STXBP5L: variants seen among roughly 807,000 people sequenced by gnomAD.
The protein encoded by STXBP5L is syntaxin binding protein 5L.
A neutral mutation model predicts 144.5 loss-of-function variants in STXBP5L; 65 were observed. The observed-to-expected ratio is 0.45, with a 90% CI of 0.37 to 0.55. The LOEUF (loss-of-function observed/expected upper bound fraction) is 0.55. Among genes scored for constraint, STXBP5L ranks in the 20% least tolerant of loss-of-function variants. The pLI is 0.00. For synonymous variants in STXBP5L, 505 were observed against 469.6 expected, an observed-to-expected ratio of 1.08 and a Z score of -0.97; for missense variants, 1,298 against 1,405.5, an observed-to-expected ratio of 0.92 and a Z score of 1.22.
chr3:121,293,665 G>A (rs1351780875), intron 19 of STXBP5L, among the ~76,000 whole-genome samples: 1 of 152,142 alleles, frequency 6.6e-6, no homozygotes, highest in African/African-American at 2.4e-5. Context: ...TTCAAGACAA[G>A]CCTGGCCAAT....
chr3:121,027,400 A>G (rs1196520200), intron 3 of STXBP5L, among the ~76,000 whole-genome samples: 1 of 152,114 alleles, frequency 6.6e-6, no homozygotes, highest in Non-Finnish European at 1.5e-5. Flanking sequence ...AGTCCTTTGA[A>G]TCTTACAGTT....
chr3:120,937,153 A>G (rs1196703230), intron 2 of STXBP5L, among the ~76,000 whole-genome samples: 1 of 152,182 alleles, frequency 6.6e-6, no homozygotes, highest in Non-Finnish European at 1.5e-5. Context: ...TCACTTGGAT[A>G]AAGTTTTACT....
chr3:121,028,563 A>G (rs1382505822), intron 3 of STXBP5L, among the ~76,000 whole-genome samples: 2 of 152,136 alleles, frequency 1.3e-5, no homozygotes, highest in East Asian at 1.9e-4. Context: ...CATCAAAAAT[A>G]TTCTAAGGAG....
intron 5 of STXBP5L, among the ~76,000 whole-genome samples, chr3:121,049,951 G>A (rs1288513015): frequency 2.0e-5 from 3 of 152,114 alleles, no homozygotes; most frequent in African/African-American, 7.2e-5. Flanking sequence ...CTGAGTCCAA[G>A]GATGCAAAGG....
chr3:121,317,227 T>C (rs746677335), intron 19 of STXBP5L, among the ~76,000 whole-genome samples: 2 of 152,142 alleles, frequency 1.3e-5, no homozygotes, highest in Non-Finnish European at 2.9e-5. Context: ...AAGTAAAAAA[T>C]AGAGCAAACA....
chr3:121,346,544 T>C (rs544856697), intron 20 of STXBP5L, among the ~76,000 whole-genome samples: 16 of 152,282 alleles, frequency 1.1e-4, no homozygotes, highest in Non-Finnish European at 1.6e-4. Flanking sequence ...TCCACAATGG[T>C]TGAACTAGTT....
chr3:121,114,861 G>C (rs1015306820), intron 5 of STXBP5L, 64 bp from the exon 6 acceptor site: 1 of 1,188,906 alleles, frequency 8.4e-7, no homozygotes, highest in East Asian at 2.7e-5. Context: ...ATACATGTAA[G>C]GAAAATATAA....
At chr3:120,987,060 G>T (rs1020765639) in intron 3 of STXBP5L, among the ~76,000 whole-genome samples, 7 of 151,896 alleles carry the variant, frequency 4.6e-5, no homozygotes, top group Non-Finnish European at 8.9e-5. Context: ...TTTGATGAAA[G>T]AAATGAATAT....
intron 9 of STXBP5L, among the ~76,000 whole-genome samples, chr3:121,185,120 G>A (rs2047321604): frequency 6.6e-6 from 1 of 152,138 alleles, no homozygotes; most frequent in East Asian, 1.9e-4. Context: ...AGATTTTAAA[G>A]ACCATCGACA....
chr3:120,928,270 TTTTTCC>T (rs1709741772), intron 2 of STXBP5L, among the ~76,000 whole-genome samples: 1 of 152,126 alleles, frequency 6.6e-6, no homozygotes, highest in Non-Finnish European at 1.5e-5. Context: ...GACTTCTTTT[TTTTTCC>T]TCCTGAGATG....
At chr3:121,002,949 C>A (rs985315808) in intron 3 of STXBP5L, among the ~76,000 whole-genome samples, 5 of 152,164 alleles carry the variant, frequency 3.3e-5, no homozygotes, top group African/African-American at 1.2e-4. Flanking sequence ...TTGATCCAGT[C>A]TATTATTGTT....
chr3:121,004,810 A>G (rs1296653506), intron 3 of STXBP5L, among the ~76,000 whole-genome samples: 1 of 152,162 alleles, frequency 6.6e-6, no homozygotes, highest in African/African-American at 2.4e-5. Context: ...TGAGATAATC[A>G]TGTGGGTTTT....
intron 19 of STXBP5L, among the ~76,000 whole-genome samples, chr3:121,312,444 A>ATTT (rs1263603298): frequency 3.1e-5 from 1 of 31,962 alleles, no homozygotes; most frequent in Non-Finnish European, 5.9e-5. Context: ...AGGTATGTCA[A>ATTT]TCTTTTTTTT....
rs60606624 is a variant in STXBP5L at position 121,193,875 on chromosome 3, G to T, written c.878-12048G>T. Among the ~76,000 whole-genome samples the T allele has an allele frequency of 2.5e-3, 377 of 152,110 alleles. 2 individuals are homozygous for T. The highest frequency in any genetic ancestry group is 8.5e-3 in the African/African-American group (354 of 41,478). ...CATTAGGAGAATACCTAATGTTAAT[G>T]ATAAGTTAATGAGTGCAGCAAACCA... On this transcript the variant is annotated intron_variant, in intron 9 of 26. Coordinates refer to ENST00000471454, the MANE Select transcript of STXBP5L (RefSeq NM_001308330.2).
intron 5 of STXBP5L, among the ~76,000 whole-genome samples, chr3:121,086,883 T>C (rs2042523909): frequency 6.6e-6 from 1 of 152,072 alleles, no homozygotes; most frequent in Admixed American, 6.6e-5. Context: ...ATGTTTGCAC[T>C]ATGATAAAAT....
intron 19 of STXBP5L, among the ~76,000 whole-genome samples, chr3:121,285,438 T>C (rs2051198846): frequency 1.3e-5 from 2 of 152,088 alleles, no homozygotes; most frequent in Admixed American, 1.3e-4. Flanking sequence ...AGTCCGTTAT[T>C]TTATAATCAG....
chr3:121,281,704 C>A lies in STXBP5L; in HGVS notation c.2110+1748C>A, dbSNP rs192980817. Among the ~76,000 whole-genome samples, 108 of 152,010 alleles carry A rather than the reference C, an allele frequency of 7.1e-4. 1 individual carries two copies. The East Asian group carries it at 0.016, about 23-fold the overall frequency. Reference sequence around the variant, plus strand: ...TAAACTGCTTGAACCTTAACAGTTACTACTAGAGCTTAGAACATTGATGAC... The same window carrying A: ...TAAACTGCTTGAACCTTAACAGTTAATACTAGAGCTTAGAACATTGATGAC... On this transcript the variant is annotated intron_variant, in intron 19 of 26. Transcript: ENST00000471454.
At chr3:121,118,867 A>T (rs1344378282) in intron 6 of STXBP5L, among the ~76,000 whole-genome samples, 1 of 151,610 alleles carries the variant, frequency 6.6e-6, no homozygotes, top group Admixed American at 6.6e-5. Context: ...GTAGGTTGAG[A>T]GTAAAATAAT....
At chr3:121,048,008 C>T (rs1232371143) in intron 5 of STXBP5L, among the ~76,000 whole-genome samples, 2 of 152,040 alleles carry the variant, frequency 1.3e-5, no homozygotes, top group Non-Finnish European at 2.9e-5. Flanking sequence ...CCATATTTAG[C>T]ACTCCTTTCA....
Sources: gnomAD v4.1 joint callset for allele counts (sites outside exome capture counted in the v4.1 genomes callset) on GRCh38, gnomAD v4.1.1 for gene constraint, MANE v1.5 for transcripts, NCBI Gene and HGNC (gene_info 2026-07-23, HGNC 2026-07-21) for gene names.